Variants in SLC25A21 observed in about 807,000 individuals in gnomAD.
SLC25A21 encodes the protein solute carrier family 25 member 21.
A neutral mutation model predicts 43.8 loss-of-function variants in SLC25A21; 47 were observed. That is an observed-to-expected ratio of 1.07 (90% CI 0.85 to 1.37). The LOEUF (loss-of-function observed/expected upper bound fraction) is 1.37, where lower values mean the gene tolerates loss of function less well. SLC25A21 is among the 40% of genes most tolerant of loss of function. The pLI is 0.00. For synonymous variants in SLC25A21, 131 were observed against 121.3 expected, an observed-to-expected ratio of 1.08 and a Z score of -0.52; for missense variants, 352 against 350.2, an observed-to-expected ratio of 1.00 and a Z score of -0.04.
chr14:36,935,274 A>G (rs1399309301), intron 1 of SLC25A21, among the ~76,000 whole-genome samples: 4 of 152,046 alleles, frequency 2.6e-5, no homozygotes, highest in Non-Finnish European at 4.4e-5. Flanking sequence ...TTTTTTTATC[A>G]CCCATATCTT....
At chr14:36,702,558 A>G (rs1883326257) in intron 7 of SLC25A21, among the ~76,000 whole-genome samples, 1 of 151,808 alleles carries the variant, frequency 6.6e-6, no homozygotes, top group Non-Finnish European at 1.5e-5. Flanking sequence ...CTGCCCCATC[A>G]TGGGTCTAGA....
At chr14:36,972,066 A>G (rs1178042826) in intron 1 of SLC25A21, among the ~76,000 whole-genome samples, 2 of 152,220 alleles carry the variant, frequency 1.3e-5, no homozygotes, top group Non-Finnish European at 2.9e-5. Flanking sequence ...CCGTAAGATT[A>G]TAACATATTT....
intron 1 of SLC25A21, among the ~76,000 whole-genome samples, chr14:36,995,078 C>T (rs999729060): frequency 6.6e-6 from 1 of 152,110 alleles, no homozygotes; most frequent in Non-Finnish European, 1.5e-5. Flanking sequence ...TCACGTCTGG[C>T]CTGAGTCTTC....
chr14:37,161,036 T>G (rs990270668), intron 1 of SLC25A21, among the ~76,000 whole-genome samples: 15 of 150,852 alleles, frequency 9.9e-5, no homozygotes, highest in African/African-American at 3.7e-4. Flanking sequence ...AGAAATAAAT[T>G]CAATGTCTCA....
chr14:36,741,752 G>A (rs544216068), intron 3 of SLC25A21, among the ~76,000 whole-genome samples: 2 of 152,268 alleles, frequency 1.3e-5, no homozygotes, highest in Admixed American at 1.3e-4. Context: ...CAAAAACCTG[G>A]CATTCAGTAA....
chr14:36,813,326 T>A (rs712340), intron 3 of SLC25A21, among the ~76,000 whole-genome samples: 1 of 151,834 alleles, frequency 6.6e-6, no homozygotes, highest in Non-Finnish European at 1.5e-5. Flanking sequence ...TTCTATTTAT[T>A]TGATCATTTA....
At chr14:36,741,920 A>C (rs1024003919) in intron 3 of SLC25A21, among the ~76,000 whole-genome samples, 3 of 152,246 alleles carry the variant, frequency 2.0e-5, no homozygotes, top group African/African-American at 7.2e-5. Flanking sequence ...CAACAGCCAG[A>C]ACCCAAATGA....
chr14:36,896,740 A>G (rs568089565), intron 1 of SLC25A21, among the ~76,000 whole-genome samples: 195 of 152,292 alleles, frequency 1.3e-3, no homozygotes, highest in African/African-American at 3.9e-3. Context: ...CCTGGTGGTG[A>G]CAAAATCTCT....
At chr14:36,753,697 C>A (rs1885801823) in intron 3 of SLC25A21, among the ~76,000 whole-genome samples, 1 of 152,024 alleles carries the variant, frequency 6.6e-6, no homozygotes, top group Non-Finnish European at 1.5e-5. Flanking sequence ...TGACAAAATC[C>A]ACCAGAAGCA....
intron 1 of SLC25A21, among the ~76,000 whole-genome samples, chr14:36,913,558 G>T (rs540975369): frequency 2.4e-4 from 37 of 152,294 alleles, no homozygotes; most frequent in African/African-American, 8.9e-4. Context: ...TTACAGGTGT[G>T]AGCCACCACA....
intron 1 of SLC25A21, among the ~76,000 whole-genome samples, chr14:37,020,911 T>A (rs11848427): frequency 0.17 from 25,584 of 151,982 alleles, 2,508 homozygotes; most frequent in Middle Eastern, 0.22. Context: ...TTATTTAACA[T>A]GGTCTTGCAT....
chr14:37,169,100 G>A (rs1414166153), intron 1 of SLC25A21, among the ~76,000 whole-genome samples: 1 of 152,126 alleles, frequency 6.6e-6, no homozygotes, highest in East Asian at 1.9e-4. Context: ...TTTAGAGGTA[G>A]ATCCTTAACA....
intron 1 of SLC25A21, among the ~76,000 whole-genome samples, chr14:37,160,745 C>A (rs1291605466): frequency 6.6e-6 from 1 of 151,928 alleles, no homozygotes; most frequent in East Asian, 1.9e-4. Context: ...GCCTGGCCAA[C>A]ATGGTGAAAC....
intron 1 of SLC25A21, among the ~76,000 whole-genome samples, chr14:37,092,657 T>G (rs1962611097): frequency 1.3e-5 from 2 of 152,232 alleles, no homozygotes; most frequent in South Asian, 4.1e-4. Context: ...AGAACTATGG[T>G]GGAGCCAGCT....
intron 1 of SLC25A21, among the ~76,000 whole-genome samples, chr14:36,876,691 A>G (rs954560597): frequency 6.6e-6 from 1 of 152,008 alleles, no homozygotes; most frequent in Non-Finnish European, 1.5e-5. Flanking sequence ...TGGTGCCTTC[A>G]TGGACTCATC....
intron 1 of SLC25A21, among the ~76,000 whole-genome samples, chr14:37,115,910 A>T (rs1963097786): frequency 6.6e-6 from 1 of 152,226 alleles, no homozygotes; most frequent in Admixed American, 6.5e-5. Context: ...GTATTTAAAG[A>T]TTAAACGTTT....
chr14:36,784,005 G>C (rs986313160), intron 3 of SLC25A21, among the ~76,000 whole-genome samples: 1 of 152,150 alleles, frequency 6.6e-6, no homozygotes, highest in African/African-American at 2.4e-5. Context: ...ATTAAAATAT[G>C]ACAGAAAATT....
At position 37,017,844 on chromosome 14, in the gene SLC25A21, T is replaced by C. The variant is rs1441509060; in HGVS notation, c.71-142840A>G. Reference sequence around the variant, plus strand: ...AAGGTAAAATAACACTAAGATAATATTTTCCCCTTTTGGATGGGACAATAT... The same window carrying C: ...AAGGTAAAATAACACTAAGATAATACTTTCCCCTTTTGGATGGGACAATAT... On this transcript the variant is annotated intron_variant, in intron 1 of 9. Transcript: ENST00000331299. Among the ~76,000 whole-genome samples, 4 of 151,920 alleles carry C rather than the reference T, an allele frequency of 2.6e-5. No individual in the cohort carries two copies. In the Admixed American group the frequency reaches 2.6e-4, roughly 10 times the overall value.
At chr14:36,759,010 T>A (rs1260804209) in intron 3 of SLC25A21, among the ~76,000 whole-genome samples, 2 of 152,220 alleles carry the variant, frequency 1.3e-5, no homozygotes, top group Non-Finnish European at 2.9e-5. Context: ...ATTTTCGTTA[T>A]TCAGCTCATG....
Sources: gnomAD v4.1 joint callset for allele counts (sites outside exome capture counted in the v4.1 genomes callset) on GRCh38, gnomAD v4.1.1 for gene constraint, MANE v1.5 for transcripts, NCBI Gene and HGNC (gene_info 2026-07-23, HGNC 2026-07-21) for gene names.